Variants in GALNT13 observed in about 807,000 individuals in gnomAD.
GALNT13 encodes the protein polypeptide N-acetylgalactosaminyltransferase 13.
A neutral mutation model predicts 64.2 loss-of-function variants in GALNT13; 28 were observed. The ratio of observed to expected loss-of-function variants is 0.44; its 90% CI spans 0.32 to 0.60. The LOEUF (loss-of-function observed/expected upper bound fraction) is 0.60, where lower values mean the gene tolerates loss of function less well. Among genes scored for constraint, GALNT13 ranks in the 20% least tolerant of loss-of-function variants. The pLI, the probability that GALNT13 is intolerant of heterozygous loss-of-function variation, is 0.05. For synonymous variants in GALNT13, 214 were observed against 224.6 expected, an observed-to-expected ratio of 0.95 and a Z score of 0.42; for missense variants, 577 against 669.8, an observed-to-expected ratio of 0.86 and a Z score of 1.53.
At chr2:154,037,589 A>AT (rs1553469858) in intron 3 of GALNT13, among the ~76,000 whole-genome samples, 2 of 152,124 alleles carry the variant, frequency 1.3e-5, no homozygotes, top group Admixed American at 1.3e-4. Flanking sequence ...ACATGACATG[A>AT]TATTAGATAC....
chr2:153,587,370 A>T, the GALNT13 span, among the ~76,000 whole-genome samples: 1 of 152,222 alleles, frequency 6.6e-6, no homozygotes, highest in Non-Finnish European at 1.5e-5. Flanking sequence ...CTGTTCTCAC[A>T]CCACTGATAA....
At chr2:154,211,359 G>A (rs927824720) in intron 4 of GALNT13, among the ~76,000 whole-genome samples, 8 of 151,866 alleles carry the variant, frequency 5.3e-5, no homozygotes, top group African/African-American at 1.9e-4. Flanking sequence ...TGGCGCAGTG[G>A]CTCACACCTG....
the GALNT13 span, among the ~76,000 whole-genome samples, chr2:153,621,879 G>T: frequency 6.6e-6 from 1 of 152,100 alleles, no homozygotes; most frequent in Admixed American, 6.6e-5. Context: ...CTAGAAAAAG[G>T]CACATTGATT....
At chr2:153,636,674 C>T in the GALNT13 span, among the ~76,000 whole-genome samples, 5 of 152,138 alleles carry the variant, frequency 3.3e-5, no homozygotes, top group Non-Finnish European at 5.9e-5. Context: ...CCAGGCTTCT[C>T]TTCCTTCTAG....
At chr2:153,686,626 CTT>C in the GALNT13 span, among the ~76,000 whole-genome samples, 1 of 151,900 alleles carries the variant, frequency 6.6e-6, no homozygotes, top group Non-Finnish European at 1.5e-5. Context: ...TTTGAATGCT[CTT>C]TATTTATTTC....
In GALNT13 at chr2:154,205,618, A is replaced by T. The variant is rs183245165; in HGVS notation, c.312-36412A>T. 1.0e-2 allele frequency among the ~76,000 whole-genome samples: 1,519 copies of T among 152,320 alleles called. 13 individuals carry two copies. The highest frequency in any genetic ancestry group is 0.017 in the Non-Finnish European group (1,135 of 68,028). On this transcript the variant is annotated intron_variant, in intron 4 of 12. Coordinates refer to ENST00000392825, the MANE Select transcript of GALNT13 (RefSeq NM_052917.4). Reference sequence around the variant, plus strand: ...AGAGGTTTGTTGGACTTACATTTCCATATGGCTGGGGAGGCCTCACAATCA... The same window carrying T: ...AGAGGTTTGTTGGACTTACATTTCCTTATGGCTGGGGAGGCCTCACAATCA...
the GALNT13 span, among the ~76,000 whole-genome samples, chr2:153,425,042 A>T: frequency 2.6e-5 from 4 of 151,840 alleles, no homozygotes; most frequent in Non-Finnish European, 5.9e-5. Flanking sequence ...CCATTTATGT[A>T]AAATTTTATA....
At chr2:153,401,827 C>T in the GALNT13 span, among the ~76,000 whole-genome samples, 14 of 151,796 alleles carry the variant, frequency 9.2e-5, no homozygotes, top group African/African-American at 2.2e-4. Flanking sequence ...TGTCTCTGCA[C>T]GTGAGATGGG....
At chr2:154,030,818 G>A (rs1698286812) in intron 3 of GALNT13, among the ~76,000 whole-genome samples, 1 of 152,048 alleles carries the variant, frequency 6.6e-6, no homozygotes, top group African/African-American at 2.4e-5. Context: ...CTTCTGCCAT[G>A]ATTATAAGTT....
At chr2:153,619,307 TA>T in the GALNT13 span, among the ~76,000 whole-genome samples, 2 of 152,084 alleles carry the variant, frequency 1.3e-5, no homozygotes, top group African/African-American at 4.8e-5. Flanking sequence ...AAGACTCTAG[TA>T]AAAACTCTAT....
chr2:154,258,916 T>G, intron 7 of GALNT13, 105 bp from the exon 8 acceptor site: 1 of 622,066 alleles, frequency 1.6e-6, no homozygotes, highest in Non-Finnish European at 2.8e-6. Context: ...TAGTTTGAGA[T>G]TTTTTAAATA....
chr2:153,697,084 G>C, the GALNT13 span, among the ~76,000 whole-genome samples: 2 of 152,198 alleles, frequency 1.3e-5, no homozygotes, highest in Non-Finnish European at 1.5e-5. Context: ...CATTGCTGCA[G>C]GGCATCTGTG....
chr2:153,633,481 T>G, the GALNT13 span, among the ~76,000 whole-genome samples: 1 of 152,200 alleles, frequency 6.6e-6, no homozygotes. Flanking sequence ...TAAGAATGTT[T>G]CATATAGATA....
the GALNT13 span, among the ~76,000 whole-genome samples, chr2:153,154,134 T>C: frequency 1.3e-5 from 2 of 152,098 alleles, no homozygotes; most frequent in African/African-American, 2.4e-5. Context: ...TTTGGCTGTG[T>C]CCTCACCCAA....
At chr2:154,290,479 T>C (rs1243443886) in intron 8 of GALNT13, among the ~76,000 whole-genome samples, 1 of 152,236 alleles carries the variant, frequency 6.6e-6, no homozygotes, top group African/African-American at 2.4e-5. Flanking sequence ...AGAATGTACA[T>C]ACAGGACATG....
the GALNT13 span, among the ~76,000 whole-genome samples, chr2:153,208,693 TA>T: frequency 6.6e-6 from 1 of 152,208 alleles, no homozygotes; most frequent in African/African-American, 2.4e-5. Context: ...GGTTGTATGA[TA>T]AGTGTATATT....
At chr2:153,677,216 A>T in the GALNT13 span, among the ~76,000 whole-genome samples, 1 of 151,772 alleles carries the variant, frequency 6.6e-6, no homozygotes, top group Non-Finnish European at 1.5e-5. Context: ...AATAGGTAGC[A>T]TTTCTACATA....
chr2:154,113,604 T>C (rs1703109246), intron 3 of GALNT13, among the ~76,000 whole-genome samples: 1 of 152,162 alleles, frequency 6.6e-6, no homozygotes, highest in African/African-American at 2.4e-5. Flanking sequence ...TGAAATTCAG[T>C]TGGATTTATT....
intron 3 of GALNT13, among the ~76,000 whole-genome samples, chr2:153,992,493 C>A (rs7574331): frequency 6.6e-6 from 1 of 151,848 alleles, no homozygotes; most frequent in Non-Finnish European, 1.5e-5. Context: ...TAATTTAATG[C>A]TAAATTTTTC....
Sources: allele counts gnomAD v4.1 joint callset (sites outside exome capture counted in the v4.1 genomes callset), GRCh38; gene constraint gnomAD v4.1.1; transcripts MANE v1.5; gene names NCBI Gene and HGNC (gene_info 2026-07-23, HGNC 2026-07-21).